Variants in GRID2 observed in about 807,000 individuals in gnomAD.
GRID2 encodes the protein glutamate receptor ionotropic, delta-2.
A neutral mutation model predicts 114.8 loss-of-function variants in GRID2; 33 were observed. The observed-to-expected ratio is 0.29, with a 90% CI of 0.22 to 0.38. The LOEUF (loss-of-function observed/expected upper bound fraction) is 0.38. GRID2 is among the 10% of genes least tolerant of loss of function. The pLI, the probability that GRID2 is intolerant of heterozygous loss-of-function variation, is 1.00. For synonymous variants in GRID2, 505 were observed against 449.9 expected (o/e 1.12, Z -1.55); for missense variants, 1,184 against 1,257.7 (o/e 0.94, Z 0.89).
intron 2 of GRID2, among the ~76,000 whole-genome samples, chr4:92,928,697 A>C (rs1168716367): frequency 6.6e-6 from 1 of 151,632 alleles, no homozygotes; most frequent in Non-Finnish European, 1.5e-5. Flanking sequence ...TTAACCACTG[A>C]ACTAAAGGTC....
intron 13 of GRID2, among the ~76,000 whole-genome samples, chr4:93,594,763 T>A (rs1169619053): frequency 6.6e-6 from 1 of 151,704 alleles, no homozygotes; most frequent in Non-Finnish European, 1.5e-5. Flanking sequence ...TGGTGCGCCG[T>A]TTTTTAAGCC....
At chr4:92,367,870 T>C (rs1346117472) in intron 1 of GRID2, among the ~76,000 whole-genome samples, 1 of 152,122 alleles carries the variant, frequency 6.6e-6, no homozygotes, top group African/African-American at 2.4e-5. Context: ...ACTTGTCTTC[T>C]TAGACAGTTC....
intron 2 of GRID2, among the ~76,000 whole-genome samples, chr4:92,715,389 C>G (rs1364086525): frequency 6.6e-6 from 1 of 152,150 alleles, no homozygotes; most frequent in East Asian, 1.9e-4. Context: ...TCTGAGCCCT[C>G]CAAACGGTTC....
chr4:93,541,436 G>A (rs1407221531), intron 13 of GRID2, among the ~76,000 whole-genome samples: 1 of 151,920 alleles, frequency 6.6e-6, no homozygotes, highest in Non-Finnish European at 1.5e-5. Flanking sequence ...TGATTCTTGG[G>A]GTATTCTTCT....
chr4:93,618,226 T>C (rs2149678590), intron 13 of GRID2, among the ~76,000 whole-genome samples: 1 of 152,346 alleles, frequency 6.6e-6, no homozygotes, highest in South Asian at 2.1e-4. Flanking sequence ...TTGGTCTCAC[T>C]TGAATCCAGT....
chr4:92,315,018 A>T (rs1193044975), intron 1 of GRID2, among the ~76,000 whole-genome samples: 14 of 152,156 alleles, frequency 9.2e-5, no homozygotes, highest in Non-Finnish European at 8.8e-5. Flanking sequence ...TTTCAGTCAT[A>T]GGTGGACATG....
At chr4:92,782,386 G>A (rs943758639) in intron 2 of GRID2, among the ~76,000 whole-genome samples, 1 of 151,884 alleles carries the variant, frequency 6.6e-6, no homozygotes, top group South Asian at 2.1e-4. Context: ...TACTTTGAAG[G>A]TCCATTTTAC....
intron 4 of GRID2, among the ~76,000 whole-genome samples, chr4:93,193,107 C>A (rs903412790): frequency 1.3e-5 from 2 of 152,162 alleles, no homozygotes; most frequent in Non-Finnish European, 2.9e-5. Flanking sequence ...CTTAAAGACT[C>A]TCTTCTAATA....
chr4:92,795,535 T>C, intron 2 of GRID2, among the ~76,000 whole-genome samples: 1 of 151,980 alleles, frequency 6.6e-6, no homozygotes, highest in South Asian at 2.1e-4. Context: ...GCAGGCACAT[T>C]CAGTGTAACT....
At chr4:93,360,269 C>A (rs906887604) in intron 8 of GRID2, among the ~76,000 whole-genome samples, 1 of 151,690 alleles carries the variant, frequency 6.6e-6, no homozygotes, top group Non-Finnish European at 1.5e-5. Context: ...TTCATTTCTT[C>A]CTTTTGCCTT....
chr4:92,693,202 T>C (rs1438892314), intron 2 of GRID2, among the ~76,000 whole-genome samples: 1 of 152,088 alleles, frequency 6.6e-6, no homozygotes, highest in African/African-American at 2.4e-5. Context: ...TCTAGTAATC[T>C]CAAATGTGAA....
At chr4:93,317,305 C>A (rs1457574431) in intron 8 of GRID2, among the ~76,000 whole-genome samples, 3 of 130,652 alleles carry the variant, frequency 2.3e-5, no homozygotes, top group Non-Finnish European at 4.7e-5. Flanking sequence ...TATAGAGATT[C>A]TCTTCCATTC....
chr4:92,343,643 G>A (rs922064414), intron 1 of GRID2, among the ~76,000 whole-genome samples: 12 of 151,624 alleles, frequency 7.9e-5, no homozygotes, highest in African/African-American at 2.7e-4. Context: ...GTGTGATCTC[G>A]GCTCACTGGA....
intron 1 of GRID2, among the ~76,000 whole-genome samples, chr4:92,355,069 C>G (rs1446861472): frequency 1.3e-5 from 2 of 151,926 alleles, no homozygotes; most frequent in African/African-American, 2.4e-5. Flanking sequence ...TCCTCATTAT[C>G]CTAGCTCAAG....
chr4:92,856,231 A>T (rs1450626950), intron 2 of GRID2, among the ~76,000 whole-genome samples: 1 of 151,978 alleles, frequency 6.6e-6, no homozygotes, highest in Non-Finnish European at 1.5e-5. Flanking sequence ...TTTACACGAC[A>T]TATTTTTCTA....
chr4:93,332,224 A>G (rs1419438275), intron 8 of GRID2, among the ~76,000 whole-genome samples: 2 of 151,318 alleles, frequency 1.3e-5, no homozygotes, highest in African/African-American at 4.9e-5. Flanking sequence ...CCACTCAAAG[A>G]TAAGAGAAGT....
At chr4:93,551,465 C>A (rs1733745228) in intron 13 of GRID2, among the ~76,000 whole-genome samples, 1 of 151,494 alleles carries the variant, frequency 6.6e-6, no homozygotes, top group Non-Finnish European at 1.5e-5. Context: ...ATGAGCTTGG[C>A]AGAGATAGTG....
chr4:92,960,915 C>A (rs1752753851), intron 2 of GRID2, among the ~76,000 whole-genome samples: 1 of 151,084 alleles, frequency 6.6e-6, no homozygotes, highest in South Asian at 2.1e-4. Flanking sequence ...TATATTTTTC[C>A]TTGGTTTCTT....
chr4:93,463,949 AC>A, intron 11 of GRID2, among the ~76,000 whole-genome samples: 1 of 152,300 alleles, frequency 6.6e-6, no homozygotes, highest in South Asian at 2.1e-4. Context: ...AGATTGTGCC[AC>A]TGCACTCCAG....
Sources: allele counts gnomAD v4.1 joint callset (sites outside exome capture counted in the v4.1 genomes callset), GRCh38; gene constraint gnomAD v4.1.1; transcripts MANE v1.5; gene names NCBI Gene and HGNC (gene_info 2026-07-23, HGNC 2026-07-21).